The following RPS6KC1 variants were observed in gnomAD, a reference collection of about 807,000 sequenced individuals.
RPS6KC1 encodes the protein inactive ribosomal protein S6 kinase delta-1.
RPS6KC1 carries 54 observed loss-of-function variants against 103.8 expected under a neutral mutation model. That is an observed-to-expected ratio of 0.52 (90% CI 0.42 to 0.65). The LOEUF (loss-of-function observed/expected upper bound fraction) is 0.65. Ranked by LOEUF, RPS6KC1 falls within the 30% of genes least tolerant of loss-of-function variation. The probability of loss-of-function intolerance (pLI) is 0.00; values close to 1 mark genes in which losing one functional copy is unlikely to be tolerated. For synonymous variants in RPS6KC1, 439 were observed against 438.7 expected (o/e 1.00, Z -0.01); for missense variants, 1,151 against 1,253.8 (o/e 0.92, Z 1.24).
At chr1:213,536,590 C>T in the RPS6KC1 span, among the ~76,000 whole-genome samples, 1 of 152,144 alleles carries the variant, frequency 6.6e-6, no homozygotes, top group Admixed American at 6.5e-5. Context: ...GAAAGTGGGG[C>T]AACCTCATCC....
chr1:213,118,031 A>AAAAAAAAAAAAAAG (rs1416943340), intron 5 of RPS6KC1, among the ~76,000 whole-genome samples: 1 of 148,136 alleles, frequency 6.8e-6, no homozygotes, highest in Non-Finnish European at 1.5e-5. Context: ...CAAAAAAAAA[A>AAAAAAAAAAAAAAG]AAAAAAAAGC....
At chr1:213,139,566 C>T (rs1489063347) in intron 6 of RPS6KC1, among the ~76,000 whole-genome samples, 2 of 151,936 alleles carry the variant, frequency 1.3e-5, no homozygotes, top group Non-Finnish European at 2.9e-5. Flanking sequence ...ATATGGTAGC[C>T]AGTTATCCCA....
the RPS6KC1 span, among the ~76,000 whole-genome samples, chr1:213,369,400 G>A: frequency 1.5e-4 from 23 of 152,224 alleles, no homozygotes; most frequent in Non-Finnish European, 3.1e-4. Context: ...TCTAGCCCCT[G>A]ACAGCTACCA....
At chr1:213,596,662 C>T in the RPS6KC1 span, among the ~76,000 whole-genome samples, 1 of 152,256 alleles carries the variant, frequency 6.6e-6, no homozygotes, top group Non-Finnish European at 1.5e-5. Context: ...TTTCTTAGCA[C>T]TGATAACTGA....
chr1:213,435,523 A>G, the RPS6KC1 span, among the ~76,000 whole-genome samples: 7 of 152,208 alleles, frequency 4.6e-5, no homozygotes, highest in Admixed American at 4.6e-4. Context: ...ACAGTTTCAT[A>G]CTTTTCAATC....
At chr1:213,175,771 A>G (rs1016777826) in intron 7 of RPS6KC1, among the ~76,000 whole-genome samples, 2 of 152,208 alleles carry the variant, frequency 1.3e-5, no homozygotes, top group African/African-American at 4.8e-5. Flanking sequence ...TCTCTTACAA[A>G]TCATCTCTTA....
the RPS6KC1 span, among the ~76,000 whole-genome samples, chr1:213,327,395 C>T: frequency 1.3e-5 from 2 of 152,196 alleles, no homozygotes; most frequent in African/African-American, 4.8e-5. Flanking sequence ...CCATGCAGAG[C>T]AGTCTCACAA....
chr1:213,708,720 A>G, the RPS6KC1 span, among the ~76,000 whole-genome samples: 1 of 152,172 alleles, frequency 6.6e-6, no homozygotes, highest in African/African-American at 2.4e-5. Context: ...TTTGAGATAC[A>G]TCCCATCAAT....
At chr1:213,281,299 G>A in the RPS6KC1 span, among the ~76,000 whole-genome samples, 1 of 152,222 alleles carries the variant, frequency 6.6e-6, no homozygotes, top group Non-Finnish European at 1.5e-5. Context: ...ACATGATATG[G>A]GGGAAAGGGG....
chr1:213,477,802 A>G, the RPS6KC1 span, among the ~76,000 whole-genome samples: 110 of 152,328 alleles, frequency 7.2e-4, no homozygotes, highest in African/African-American at 2.6e-3. Context: ...CCCTGCATGT[A>G]TAATTCCCTC....
At chr1:213,261,781 C>T in intron 13 of RPS6KC1, 141 bp downstream of exon 13, 2 of 650,058 alleles carry the variant, frequency 3.1e-6, no homozygotes, top group South Asian at 4.5e-5. Context: ...TAGAGAAATG[C>T]AAGTTTATCA....
chr1:213,628,300 ATTC>A, the RPS6KC1 span, among the ~76,000 whole-genome samples: 1 of 151,698 alleles, frequency 6.6e-6, no homozygotes, highest in Admixed American at 6.6e-5. Context: ...CATCTATTTA[ATTC>A]TTCTCTCTTT....
the RPS6KC1 span, among the ~76,000 whole-genome samples, chr1:213,782,059 G>A: frequency 6.6e-6 from 1 of 152,106 alleles, no homozygotes; most frequent in South Asian, 2.1e-4. Context: ...GCTAAACTGG[G>A]TATATCAAAC....
the RPS6KC1 span, among the ~76,000 whole-genome samples, chr1:213,319,526 G>T: frequency 6.6e-6 from 1 of 152,166 alleles, no homozygotes; most frequent in Non-Finnish European, 1.5e-5. Flanking sequence ...TATTGCTGTT[G>T]TCACCTTTCC....
chr1:213,539,369 C>A, the RPS6KC1 span, among the ~76,000 whole-genome samples: 1 of 152,216 alleles, frequency 6.6e-6, no homozygotes, highest in Non-Finnish European at 1.5e-5. Context: ...AAATTAACAT[C>A]CCTCTCTGTG....
chr1:213,824,692 G>T, the RPS6KC1 span, among the ~76,000 whole-genome samples: 2 of 151,908 alleles, frequency 1.3e-5, no homozygotes, highest in Admixed American at 6.6e-5. Context: ...GTTTCCCTGC[G>T]CAAGCTCTCT....
chr1:213,423,434 G>A, the RPS6KC1 span, among the ~76,000 whole-genome samples: 1 of 152,188 alleles, frequency 6.6e-6, no homozygotes, highest in African/African-American at 2.4e-5. Flanking sequence ...AGAGGCAGCA[G>A]CATCGGATCT....
At chr1:213,774,693 C>T in the RPS6KC1 span, among the ~76,000 whole-genome samples, 2 of 152,308 alleles carry the variant, frequency 1.3e-5, no homozygotes, top group South Asian at 4.1e-4. Flanking sequence ...TAGCAGTGCT[C>T]CCTTCCCTTT....
chr1:213,609,809 C>T, the RPS6KC1 span, among the ~76,000 whole-genome samples: 1 of 148,206 alleles, frequency 6.7e-6, no homozygotes, highest in Non-Finnish European at 1.5e-5. Context: ...ACTTTTGCAC[C>T]AACCTAATAA....
Sources: gnomAD v4.1 joint callset for allele counts (sites outside exome capture counted in the v4.1 genomes callset) on GRCh38, gnomAD v4.1.1 for gene constraint, MANE v1.5 for transcripts, NCBI Gene and HGNC (gene_info 2026-07-23, HGNC 2026-07-21) for gene names.